The following CTNNA2 variants were observed in gnomAD, a reference collection of about 807,000 sequenced individuals.
The protein encoded by CTNNA2 is catenin alpha-2.
In CTNNA2, 42 loss-of-function variants were observed where a neutral mutation model predicts 101.0. The ratio of observed to expected loss-of-function variants is 0.42; its 90% confidence interval spans 0.32 to 0.54. The LOEUF (loss-of-function observed/expected upper bound fraction) is 0.54. Ranked by LOEUF, CTNNA2 falls within the 20% of genes least tolerant of loss-of-function variation. The probability of loss-of-function intolerance (pLI) is 0.14; values close to 1 mark genes in which losing one functional copy is unlikely to be tolerated. For synonymous variants in CTNNA2, 450 were observed against 456.4 expected (o/e 0.99, Z 0.18); for missense variants, 871 against 1,223.1 (o/e 0.71, Z 4.29).
chr2:79,777,327 ATGTGTGTGTGTGTGTGTGTGTGTGTGTG>A (rs67347678), intron 3 of CTNNA2, among the ~76,000 whole-genome samples: 5 of 139,574 alleles, frequency 3.6e-5, no homozygotes, highest in Non-Finnish European at 7.9e-5. Context: ...AACACTTGTT[ATGTGTGTGTGTGTGTGTGTGTGTGTGTG>A]TGTGTGTGTG....
chr2:80,619,044 C>A, intron 17 of CTNNA2, 41 bp from the exon 18 acceptor site: 3 of 1,148,426 alleles, frequency 2.6e-6, no homozygotes, highest in Non-Finnish European at 3.4e-6. Context: ...TTCTTTTGCT[C>A]TCTCTCTCAT....
At chr2:79,301,947 G>T (rs1413450431) in intron 2 of CTNNA2, among the ~76,000 whole-genome samples, 1 of 151,880 alleles carries the variant, frequency 6.6e-6, no homozygotes, top group African/African-American at 2.4e-5. Flanking sequence ...AAAAAAATTA[G>T]CTGGGTGTGG....
At chr2:80,344,428 C>T (rs1672531709) in intron 7 of CTNNA2, among the ~76,000 whole-genome samples, 1 of 152,128 alleles carries the variant, frequency 6.6e-6, no homozygotes, top group African/African-American at 2.4e-5. Flanking sequence ...CTCCAGATCC[C>T]TATATCCAAC....
intron 1 of CTNNA2, among the ~76,000 whole-genome samples, chr2:79,629,347 C>G (rs1679534784): frequency 6.6e-6 from 1 of 152,170 alleles, no homozygotes; most frequent in Admixed American, 6.5e-5. Flanking sequence ...TTTCCCAAAC[C>G]TGTAATGAAG....
chr2:80,434,126 A>C (rs1304418955), intron 9 of CTNNA2, among the ~76,000 whole-genome samples: 1 of 152,208 alleles, frequency 6.6e-6, no homozygotes, highest in African/African-American at 2.4e-5. Context: ...CCAAGTGTAC[A>C]TCCACAACGA....
At chr2:79,424,184 T>C (rs1393847691) in intron 4 of CTNNA2, among the ~76,000 whole-genome samples, 1 of 152,104 alleles carries the variant, frequency 6.6e-6, no homozygotes. Context: ...CATAGTTCTT[T>C]CCTGCTTAGG....
chr2:79,788,782 A>G (rs1675044421), intron 3 of CTNNA2, among the ~76,000 whole-genome samples: 1 of 152,190 alleles, frequency 6.6e-6, no homozygotes, highest in African/African-American at 2.4e-5. Flanking sequence ...GAATACAGAT[A>G]TTGCTTCCAT....
intron 7 of CTNNA2, among the ~76,000 whole-genome samples, chr2:79,933,145 A>C (rs182051268): frequency 6.6e-6 from 1 of 152,190 alleles, no homozygotes; most frequent in African/African-American, 2.4e-5. Context: ...CATCACCACT[A>C]CCACCATAAT....
intron 2 of CTNNA2, among the ~76,000 whole-genome samples, chr2:79,209,305 G>A (rs1214436981): frequency 6.6e-6 from 1 of 151,998 alleles, no homozygotes; most frequent in African/African-American, 2.4e-5. Context: ...TTTTCTTTAA[G>A]CTATTTTATG....
intron 5 of CTNNA2, among the ~76,000 whole-genome samples, chr2:79,872,170 C>T (rs936240082): frequency 6.6e-6 from 1 of 152,114 alleles, no homozygotes; most frequent in Non-Finnish European, 1.5e-5. Flanking sequence ...AAATATTATT[C>T]ATGTTATTAA....
chr2:80,555,642 A>G, intron 11 of CTNNA2, 51 bp from the exon 12 acceptor site: 1 of 1,124,694 alleles, frequency 8.9e-7, no homozygotes, highest in Non-Finnish European at 1.2e-6. Flanking sequence ...TTAATTGGTT[A>G]AGTTCTGAGT....
At chr2:80,338,171 TAG>T (rs1415167374) in intron 7 of CTNNA2, among the ~76,000 whole-genome samples, 1 of 152,010 alleles carries the variant, frequency 6.6e-6, no homozygotes, top group Admixed American at 6.6e-5. Context: ...ATATTTGTGG[TAG>T]AGACAGGGTT....
chr2:80,122,711 A>G (rs921895087), intron 7 of CTNNA2, among the ~76,000 whole-genome samples: 1 of 152,168 alleles, frequency 6.6e-6, no homozygotes, highest in African/African-American at 2.4e-5. Flanking sequence ...TAGTTATAGT[A>G]TAGGTATCGC....
rs189989631 is a variant in CTNNA2, at chr2:80,119,775, G to A, written c.1056+209978G>A. 4.8e-3 allele frequency among the ~76,000 whole-genome samples: 730 copies of A among 152,240 alleles called. 7 individuals carry two copies. Among genetic ancestry groups the A allele is most frequent in the African/African-American group, 0.017 (708 of 41,558 alleles). On this transcript the variant is annotated intron_variant, in intron 7 of 18. Transcript: ENST00000402739. ...ATTTTTATATGCTGTAAGGGGAGGA[G>A]AGATTAAAAAGTTTTGGTCATGGGA...
At chr2:79,685,188 G>T (rs769362406) in intron 2 of CTNNA2, among the ~76,000 whole-genome samples, 24 of 151,934 alleles carry the variant, frequency 1.6e-4, no homozygotes, top group Admixed American at 5.2e-4. Flanking sequence ...TGGAATTTTT[G>T]AAATTATATT....
rs527961896 is a variant in CTNNA2, at chr2:80,591,707, G to A, written c.2189+2222G>A. On this transcript the variant is annotated intron_variant, in intron 15 of 18. Coordinates refer to ENST00000402739, the MANE Select transcript of CTNNA2 (RefSeq NM_001282597.3). ...TGGCCACTCTCCATAATGTGTATGT[G>A]TAAAGGGCATGTGGGTACACAATAC... is the stretch of plus-strand genomic sequence containing the variant. Among the ~76,000 whole-genome samples, 5 of 151,726 alleles carry A rather than the reference G, an allele frequency of 3.3e-5. No individual in the cohort carries two copies. The East Asian group carries it at 7.7e-4, about 23-fold the overall frequency.
chr2:80,552,012 C>T (rs1021042195), intron 11 of CTNNA2, among the ~76,000 whole-genome samples: 5 of 151,904 alleles, frequency 3.3e-5, no homozygotes, highest in East Asian at 1.9e-4. Context: ...AATATTGTTG[C>T]GTCTCAGGGA....
chr2:80,001,660 G>T (rs1047631558), intron 7 of CTNNA2, among the ~76,000 whole-genome samples: 1 of 152,120 alleles, frequency 6.6e-6, no homozygotes, highest in Non-Finnish European at 1.5e-5. Context: ...GGAGAGAGAA[G>T]AACTAGCTGA....
chr2:79,791,974 A>C (rs1186381380), intron 3 of CTNNA2, among the ~76,000 whole-genome samples: 1 of 152,196 alleles, frequency 6.6e-6, no homozygotes, highest in African/African-American at 2.4e-5. Flanking sequence ...TTCGTAATTG[A>C]ATTTCTTAAG....
Sources: gnomAD v4.1 joint callset for allele counts (sites outside exome capture counted in the v4.1 genomes callset) on GRCh38, gnomAD v4.1.1 for gene constraint, MANE v1.5 for transcripts, NCBI Gene and HGNC (gene_info 2026-07-23, HGNC 2026-07-21) for gene names.